Variants in LARS2 observed in about 807,000 individuals in gnomAD.
The protein encoded by LARS2 is leucine--tRNA ligase, mitochondrial.
A neutral mutation model predicts 116.6 loss-of-function variants in LARS2; 81 were observed. That is an observed-to-expected ratio of 0.69 (90% confidence interval 0.58 to 0.84). The LOEUF (loss-of-function observed/expected upper bound fraction) is 0.84. Among genes scored for constraint, LARS2 ranks in the 40% least tolerant of loss-of-function variants. LARS2 has a pLI of 0.00. For missense variants in LARS2, 968 were observed against 1,114.5 expected, an observed-to-expected ratio of 0.87 and a Z score of 1.87; for synonymous variants, 396 against 407.2, an observed-to-expected ratio of 0.97 and a Z score of 0.33.
In LARS2 at chr3:45,485,726, T is replaced by C. The variant is rs7610357; in HGVS notation, c.1053T>C (p.Leu351=). ...CLTPVMAVNM[L]TQQEVPVVIL... ...CGCCTGTAATGGCTGTGAACATGCT[T>C]ACCCAGCAGGAGGTCCCTGTCGTTA... The change falls in exon 11 of 22, where the codon CTT becomes CTC. Residue 351 remains leucine (L), a synonymous_variant. Coordinates refer to ENST00000645846, the MANE Select transcript of LARS2 (RefSeq NM_015340.4). 1,485,249 of 1,610,528 alleles carry C rather than the reference T, an allele frequency of 0.92. 695,764 individuals carry two copies. Among genetic ancestry groups the C allele is most frequent in the East Asian group, 0.98 (43,685 of 44,700 alleles).
chr3:45,417,694 A>G (rs1559462232), intron 5 of LARS2, 121 bp downstream of exon 5: 1 of 640,266 alleles, frequency 1.6e-6, no homozygotes, highest in Non-Finnish European at 2.8e-6. Flanking sequence ...CAAGAGATAA[A>G]TATGATTGTG....
At chr3:45,396,830 G>C (rs1020409543) in intron 3 of LARS2, among the ~76,000 whole-genome samples, 4 of 152,228 alleles carry the variant, frequency 2.6e-5, no homozygotes, top group African/African-American at 4.8e-5. Context: ...AAAATCAAAT[G>C]TGTGTTTGAT....
chr3:45,409,558 A>G (rs986580237), intron 4 of LARS2, among the ~76,000 whole-genome samples: 5 of 152,238 alleles, frequency 3.3e-5, no homozygotes, highest in Non-Finnish European at 7.3e-5. Flanking sequence ...GGGGGAAGGG[A>G]CAAGCTTTGG....
chr3:45,436,829 G>C (rs190770894), intron 6 of LARS2, among the ~76,000 whole-genome samples: 6 of 150,730 alleles, frequency 4.0e-5, no homozygotes, highest in Middle Eastern at 3.5e-3. Context: ...AAAGCCGTTT[G>C]TATTGTTAGA....
rs79254420 is a variant in LARS2, at chr3:45,523,997, C to G, written c.2293C>G (p.Gln765Glu). 6.2e-7 allele frequency: 1 copy of G among 1,612,414 alleles called. No homozygotes were observed. Among genetic ancestry groups the G allele is most frequent in the African/African-American group, 1.3e-5 (1 of 74,818 alleles). ...QLMGLSNALS[Q>E]ASQSVILHSP... ...CTTACTTTTTTTTCCTCTTCCTTAG[C>G]AAGCCTCTCAGAGCGTCATTCTCCA... Residue 765 changes from glutamine (Q) to glutamate (E), a missense_variant and splice_region_variant, in exon 20 of 22, where the codon CAA becomes GAA. Gln to Glu is a conservative substitution (Grantham distance 29, BLOSUM62 2). Coordinates refer to ENST00000645846, the MANE Select transcript of LARS2 (RefSeq NM_015340.4).
intron 21 of LARS2, 86 bp downstream of exon 21, chr3:45,542,042 T>C (rs569877688): frequency 2.0e-6 from 3 of 1,521,488 alleles, no homozygotes; most frequent in South Asian, 2.4e-5. Flanking sequence ...GAGAGGTCTA[T>C]TAGCAGGCCT....
intron 8 of LARS2, among the ~76,000 whole-genome samples, chr3:45,463,886 G>A (rs1482442608): frequency 1.3e-5 from 2 of 152,114 alleles, no homozygotes; most frequent in African/African-American, 4.8e-5. Context: ...GTCCAAGGAG[G>A]TATCACTGAG....
intron 7 of LARS2, among the ~76,000 whole-genome samples, chr3:45,454,604 A>C (rs1699184825): frequency 6.6e-6 from 1 of 152,210 alleles, no homozygotes; most frequent in Non-Finnish European, 1.5e-5. Context: ...TATTTTACAA[A>C]TAAGGCTAGT....
At chr3:45,397,861 C>T (rs1335224191) in intron 3 of LARS2, among the ~76,000 whole-genome samples, 1 of 152,158 alleles carries the variant, frequency 6.6e-6, no homozygotes, top group Non-Finnish European at 1.5e-5. Context: ...TGCTCATAAG[C>T]TGAGAAGGTT....
chr3:45,511,677 G>A (rs1700292289), intron 15 of LARS2, among the ~76,000 whole-genome samples: 1 of 152,016 alleles, frequency 6.6e-6, no homozygotes, highest in Admixed American at 6.5e-5. Flanking sequence ...GTCCGTTCTC[G>A]GAAGGTGGCA....
At chr3:45,454,685 T>C (rs1345361873) in intron 7 of LARS2, among the ~76,000 whole-genome samples, 1 of 152,156 alleles carries the variant, frequency 6.6e-6, no homozygotes, top group Non-Finnish European at 1.5e-5. Context: ...GGGAAATGAA[T>C]AGAGTCAGTG....
intron 15 of LARS2, among the ~76,000 whole-genome samples, chr3:45,511,780 T>C (rs1430998622): frequency 2.1e-5 from 3 of 141,058 alleles, no homozygotes; most frequent in African/African-American, 8.0e-5. Context: ...GATTTTTTTT[T>C]TTTTTTTTTT....
At chr3:45,532,396 G>T (rs533509525) in intron 20 of LARS2, among the ~76,000 whole-genome samples, 1 of 152,114 alleles carries the variant, frequency 6.6e-6, no homozygotes, top group African/African-American at 2.4e-5. Context: ...TATGATTTAT[G>T]TTCAGTTAAT....
At chr3:45,407,708 G>T (rs1277992791) in intron 4 of LARS2, among the ~76,000 whole-genome samples, 1 of 152,190 alleles carries the variant, frequency 6.6e-6, no homozygotes, top group Non-Finnish European at 1.5e-5. Flanking sequence ...AACCATGGTT[G>T]CTCTCAATTA....
intron 10 of LARS2, among the ~76,000 whole-genome samples, chr3:45,476,902 T>G (rs1458784534): frequency 6.6e-6 from 1 of 152,200 alleles, no homozygotes; most frequent in African/African-American, 2.4e-5. Flanking sequence ...TAATCTAAAG[T>G]TCTTTTCTCC....
At chr3:45,412,648 A>G (rs1459111092) in intron 4 of LARS2, among the ~76,000 whole-genome samples, 3 of 152,238 alleles carry the variant, frequency 2.0e-5, no homozygotes, top group African/African-American at 4.8e-5. Flanking sequence ...AATTGAAGAT[A>G]GTAGCTTGGG....
rs2125752316 is a variant in LARS2, at chr3:45,515,019, A to G, written c.1862-1075A>G. Among the ~76,000 whole-genome samples the G allele has an allele frequency of 1.3e-5, 2 of 152,318 alleles. 1 individual carries two copies. The highest frequency in any genetic ancestry group is 4.1e-4 in the South Asian group (2 of 4,828). ...TTCATGGATGTAACTCTCATGAAGTATGGAGTTGGCTTTTAGGTCTGTACA... is the reference window on the plus strand; with the variant it reads ...TTCATGGATGTAACTCTCATGAAGTGTGGAGTTGGCTTTTAGGTCTGTACA... On this transcript the variant is annotated intron_variant, in intron 16 of 21. Transcript: ENST00000645846.
At chr3:45,419,599 C>G (rs1450685314) in intron 5 of LARS2, 70 bp from the exon 6 acceptor site, 1 of 1,034,192 alleles carries the variant, frequency 9.7e-7, no homozygotes, top group African/African-American at 3.1e-5. Flanking sequence ...CCTTTACATT[C>G]TCAAAGTGTA....
intron 15 of LARS2, among the ~76,000 whole-genome samples, chr3:45,501,614 A>G (rs758472761): frequency 6.6e-6 from 1 of 152,226 alleles, no homozygotes; most frequent in Non-Finnish European, 1.5e-5. Flanking sequence ...GTTTTGTGCA[A>G]TTATGAACAA....
Sources: allele counts gnomAD v4.1 joint callset (sites outside exome capture counted in the v4.1 genomes callset), GRCh38; gene constraint gnomAD v4.1.1; transcripts MANE v1.5; gene names NCBI Gene and HGNC (gene_info 2026-07-23, HGNC 2026-07-21).